Variants in ATP13A4 observed in about 807,000 individuals in gnomAD.
ATP13A4 encodes ATPase 13A4.
A neutral mutation model predicts 142.5 loss-of-function variants in ATP13A4; 114 were observed. The ratio of observed to expected loss-of-function variants is 0.80; its 90% CI spans 0.69 to 0.93. The LOEUF (loss-of-function observed/expected upper bound fraction) is 0.93, where lower values mean the gene tolerates loss of function less well. ATP13A4 is among the 40% of genes least tolerant of loss of function. The pLI, the probability that ATP13A4 is intolerant of heterozygous loss-of-function variation, is 0.00. For missense variants in ATP13A4, 1,392 were observed against 1,454.0 expected, an observed-to-expected ratio of 0.96 and a Z score of 0.69; for synonymous variants, 488 against 514.8, an observed-to-expected ratio of 0.95 and a Z score of 0.70.
chr3:193,416,680 C>G (rs1282868598), intron 25 of ATP13A4, among the ~76,000 whole-genome samples: 1 of 149,370 alleles, frequency 6.7e-6, no homozygotes, highest in East Asian at 2.0e-4. Context: ...ACCTGAGGAA[C>G]AGAAAAAAAA....
chr3:193,399,298 G>A lies in ATP13A4; in HGVS notation c.*3354C>T, dbSNP rs554273116. 9.9e-5 allele frequency among the ~76,000 whole-genome samples: 15 copies of A among 152,276 alleles called. No individual in the cohort carries two copies. The highest frequency in any genetic ancestry group is 2.1e-4 in the South Asian group (1 of 4,822). ...CCTCAAGTTTAGGGCACTCTCCCAC[G>A]CTCTTTCATGCAAAGTTTTTTAACA... On this transcript the variant is annotated 3_prime_UTR_variant, in exon 30 of 30. Transcript: ENST00000342695.
chr3:193,576,721 T>C (rs1278225177), intron 2 of ATP13A4, among the ~76,000 whole-genome samples: 1 of 152,168 alleles, frequency 6.6e-6, no homozygotes, highest in Admixed American at 6.5e-5. Context: ...AAGGAATGTA[T>C]TAGGTAATAC....
chr3:193,472,200 A>G (rs544797155), intron 8 of ATP13A4, among the ~76,000 whole-genome samples: 98 of 152,356 alleles, frequency 6.4e-4, no homozygotes, highest in African/African-American at 2.3e-3. Flanking sequence ...GTCAGAAAAC[A>G]TTAAGTGGAC....
intron 1 of ATP13A4, among the ~76,000 whole-genome samples, chr3:193,523,723 G>A (rs1321908841): frequency 6.6e-6 from 1 of 152,190 alleles, no homozygotes; most frequent in Non-Finnish European, 1.5e-5. Context: ...AATAGTAAGT[G>A]CTATGGTTCG....
At chr3:193,423,895 TTGGTGGTGG>T (rs1715522140) in intron 25 of ATP13A4, among the ~76,000 whole-genome samples, 2 of 149,490 alleles carry the variant, frequency 1.3e-5, no homozygotes, top group Non-Finnish European at 3.0e-5. Flanking sequence ...TTGTCCCTGT[TTGGTGGTGG>T]CATGCTCTTA....
chr3:193,412,054 C>G, intron 27 of ATP13A4, 124 bp downstream of exon 27: 1 of 861,162 alleles, frequency 1.2e-6, no homozygotes, highest in African/African-American at 1.7e-5. Context: ...TTGCAGAGTC[C>G]TAGAGTGGAA....
chr3:193,427,358 T>C (rs1376549385), intron 25 of ATP13A4, among the ~76,000 whole-genome samples: 1 of 152,132 alleles, frequency 6.6e-6, no homozygotes, highest in Non-Finnish European at 1.5e-5. Context: ...ATCAATATCA[T>C]GAAAATGGCC....
In ATP13A4 at chr3:193,402,592, T is replaced by C. The variant is rs1201630848; in HGVS notation, c.*60A>G. 7 of 785,030 alleles carry C rather than the reference T, an allele frequency of 8.9e-6. No homozygotes were observed. In the African/African-American group the frequency reaches 1.0e-4, roughly 11 times the overall value. The allele number at this position is 785,030 out of a possible 1,614,324, so 48.6% of individuals were successfully genotyped here. ...CAAGAGTCTCATTTCTTAAAATCAA[T>C]GAAACTGGTCCCTTTTGTCATTGTT... is the stretch of plus-strand genomic sequence containing the variant. On this transcript the variant is annotated 3_prime_UTR_variant, in exon 30 of 30. Transcript: ENST00000342695.
At position 193,437,002 on chromosome 3, in the gene ATP13A4, G is replaced by A. The variant is rs544255711; in HGVS notation, c.2673-1258C>T. ...GCCTGTAGTCCCAGCTACTTGGGAG[G>A]CTGAGGCAGGAGAATGGCGTGAACC... On this transcript the variant is annotated intron_variant, in intron 23 of 29. Coordinates refer to ENST00000342695, the MANE Select transcript of ATP13A4 (RefSeq NM_032279.4). Among the ~76,000 whole-genome samples the A allele has an allele frequency of 5.5e-3, 818 of 147,978 alleles. 56 individuals are homozygous for A. Among genetic ancestry groups the A allele is most frequent in the African/African-American group, 0.02 (758 of 38,248 alleles).
In ATP13A4 at chr3:193,448,314, C is replaced by G; in HGVS notation, c.2044G>C (p.Asp682His). ...ATCAGCAGCCCCAGAAATATCAGGT[C>G]TGATTCTACCGTCTCCCTGAAAATA... ...TTLTRETVES[D>H]LIFLGLLILE... is the part of the protein sequence containing the mutation. The change falls in exon 18 of 30, where the codon GAC becomes CAC. Residue 682 changes from aspartate to histidine, a missense_variant. Physicochemically the swap from Asp to His is moderately conservative, Grantham distance 81. Transcript: ENST00000342695. The G allele has an allele frequency of 6.2e-7, 1 of 1,614,072 alleles. No individual in the cohort carries two copies. Among genetic ancestry groups the G allele is most frequent in the Non-Finnish European group, 8.5e-7 (1 of 1,180,024 alleles).
intron 1 of ATP13A4, among the ~76,000 whole-genome samples, chr3:193,549,825 CA>C (rs985805694): frequency 1.3e-5 from 2 of 151,100 alleles, no homozygotes; most frequent in Admixed American, 1.3e-4. Flanking sequence ...ACCCTTTCTC[CA>C]AAAAAAACTA....
At position 193,582,707 on chromosome 3, in the gene ATP13A4, T is replaced by A. The variant is rs1420782577; in HGVS notation, n.92-801A>T. ...TTATATATGTGTATAACATATATAATATATATGTATATTACATATATAAAA... is the reference window on the plus strand; with the variant it reads ...TTATATATGTGTATAACATATATAAAATATATGTATATTACATATATAAAA... On this transcript the variant is annotated intron_variant and non_coding_transcript_variant, in intron 1 of 3. Transcript: ENST00000489140. Among the ~76,000 whole-genome samples, 5 of 46,602 alleles carry A rather than the reference T, an allele frequency of 1.1e-4. 2 individuals are homozygous for A. The highest frequency in any genetic ancestry group is 5.8e-4 in the East Asian group (1 of 1,736). 30.6% of individuals were successfully genotyped at this position (46,602 alleles called of 152,430 possible).
At chr3:193,457,217 C>T in intron 15 of ATP13A4, 64 bp from the exon 16 acceptor site, 3 of 1,598,288 alleles carry the variant, frequency 1.9e-6, no homozygotes, top group Non-Finnish European at 2.6e-6. Flanking sequence ...TGGGAATTAA[C>T]CACTCCTTCC....
At chr3:193,410,896 A>G in intron 28 of ATP13A4, 86 bp downstream of exon 28, 1 of 881,856 alleles carries the variant, frequency 1.1e-6, no homozygotes. Context: ...GTCAAAAATC[A>G]TGTCAATTGA....
At chr3:193,522,426 A>G (rs551929494) in intron 1 of ATP13A4, among the ~76,000 whole-genome samples, 1 of 152,222 alleles carries the variant, frequency 6.6e-6, no homozygotes, top group African/African-American at 2.4e-5. Context: ...ACAATCCTGT[A>G]AGGAAGGTAG....
At chr3:193,554,477 C>T in intron 1 of ATP13A4, 1 of 541,256 alleles carries the variant, frequency 1.8e-6, no homozygotes, top group Admixed American at 3.0e-5. Flanking sequence ...TTCTCTCCCT[C>T]TCTGTTTTCT....
intron 1 of ATP13A4, among the ~76,000 whole-genome samples, chr3:193,545,087 A>G (rs1723147049): frequency 6.6e-6 from 1 of 152,252 alleles, no homozygotes; most frequent in Non-Finnish European, 1.5e-5. Context: ...AAATATAAAC[A>G]TGAAATAAGA....
intron 1 of ATP13A4, among the ~76,000 whole-genome samples, chr3:193,543,051 C>T (rs1348484823): frequency 6.6e-6 from 1 of 151,718 alleles, no homozygotes; most frequent in Non-Finnish European, 1.5e-5. Context: ...GCCTGTAGTC[C>T]CAGCTACTGG....
intron 16 of ATP13A4, 113 bp from the exon 17 acceptor site, chr3:193,454,325 A>G: frequency 1.3e-6 from 1 of 767,472 alleles, no homozygotes; most frequent in Non-Finnish European, 2.3e-6. Flanking sequence ...TTCTACAAAG[A>G]TATGTAAACA....
Sources: allele counts gnomAD v4.1 joint callset (sites outside exome capture counted in the v4.1 genomes callset), GRCh38; gene constraint gnomAD v4.1.1; transcripts MANE v1.5; gene names NCBI Gene and HGNC (gene_info 2026-07-23, HGNC 2026-07-21).